THAP6: variants seen among roughly 807,000 people sequenced by gnomAD.
THAP6 encodes THAP domain containing 6.
In THAP6, 13 loss-of-function variants were observed where a neutral mutation model predicts 20.0. The ratio of observed to expected loss-of-function variants is 0.65; its 90% confidence interval spans 0.42 to 1.03. The LOEUF is 1.03. Among genes scored for constraint, THAP6 ranks in the 50% least tolerant of loss-of-function variants. The pLI, the probability that THAP6 is intolerant of heterozygous loss-of-function variation, is 0.00. For missense variants in THAP6, 262 were observed against 261.6 expected (o/e 1.00, Z -0.01); for synonymous variants, 93 against 92.2 (o/e 1.01, Z -0.05).
rs767627878 is a variant in THAP6 at position 75,521,895 on chromosome 4, C to A, written c.414+34C>A. On this transcript the variant is annotated intron_variant, in intron 4 of 4. Coordinates refer to ENST00000311638, the MANE Select transcript of THAP6 (RefSeq NM_144721.6). ...ATTACTTGCTGAGCTCATGTTAATT[C>A]TTTTAAGATGAATATGTCCTCTCCA... 5.6e-5 allele frequency: 90 copies of A among 1,611,668 alleles called. 1 individual carries two copies. Among genetic ancestry groups the A allele is most frequent in the South Asian group, 1.1e-5 (1 of 90,834 alleles).
upstream of THAP6, chr4:75,514,386 G>T (rs552205454): frequency 4.4e-6 from 6 of 1,354,886 alleles, no homozygotes; most frequent in Non-Finnish European, 6.0e-6. Flanking sequence ...CAGCCCCAGC[G>T]GCCACTAGCG....
intron 4 of THAP6, chr4:75,522,188 C>A (rs1726076026): frequency 3.2e-6 from 1 of 307,958 alleles, no homozygotes; most frequent in African/African-American, 2.1e-5. Flanking sequence ...CAGTCATACA[C>A]ATACAGAGTA....
intron 2 of THAP6, 128 bp from the exon 3 acceptor site, chr4:75,516,644 T>TA: frequency 1.3e-6 from 1 of 752,574 alleles, no homozygotes; most frequent in Non-Finnish European, 2.0e-6. Flanking sequence ...GTTTCCTAAA[T>TA]ATTATAATTC....
At chr4:75,541,978 A>G (rs1049724159) in intron 2 of THAP6, among the ~76,000 whole-genome samples, 1 of 152,130 alleles carries the variant, frequency 6.6e-6, no homozygotes, top group African/African-American at 2.4e-5. Flanking sequence ...AAAGAAAATC[A>G]AAACCATTTC....
intron 4 of THAP6, among the ~76,000 whole-genome samples, chr4:75,522,780 T>C (rs1308999810): frequency 6.6e-6 from 1 of 152,276 alleles, no homozygotes; most frequent in African/African-American, 2.4e-5. Flanking sequence ...TCTCATTTTT[T>C]TTAATGGCTT....
At chr4:75,530,252 C>T (rs1175521660), downstream of THAP6, among the ~76,000 whole-genome samples, 2 of 152,150 alleles carry the variant, frequency 1.3e-5, no homozygotes, top group Non-Finnish European at 2.9e-5. Flanking sequence ...GATATGATGT[C>T]ACCCAGTATA....
At chr4:75,521,987 T>C in intron 4 of THAP6, 126 bp downstream of exon 4, 1 of 1,188,628 alleles carries the variant, frequency 8.4e-7, no homozygotes, top group African/African-American at 1.5e-5. Context: ...ACAAATAATA[T>C]TGCTTCCTAG....
rs115445508 is a variant in THAP6, at chr4:75,545,487, G to C, written c.243+3001G>C. ...AGCAGAAGATGCCTAAGCAAGCCTTGCAGGAAGTCATCTAGGCCACCTTCA... is the reference window on the plus strand; with the variant it reads ...AGCAGAAGATGCCTAAGCAAGCCTTCCAGGAAGTCATCTAGGCCACCTTCA... On this transcript the variant is annotated intron_variant, in intron 3 of 4. Transcript: ENST00000502620. Among the ~76,000 whole-genome samples, 424 of 152,262 alleles carry C rather than the reference G, an allele frequency of 2.8e-3. 3 individuals carry two copies. Among genetic ancestry groups the C allele is most frequent in the African/African-American group, 9.6e-3 (397 of 41,546 alleles).
chr4:75,535,550 G>A (rs1726824738), intron 2 of THAP6, among the ~76,000 whole-genome samples: 1 of 152,138 alleles, frequency 6.6e-6, no homozygotes, highest in Admixed American at 6.5e-5. Flanking sequence ...GTAATCTAAT[G>A]CTCTCAGTAA....
intron 4 of THAP6, 83 bp from the exon 5 acceptor site, chr4:75,526,877 G>A: frequency 1.3e-6 from 2 of 1,518,970 alleles, no homozygotes; most frequent in Non-Finnish European, 1.8e-6. Context: ...CATTGTAAAT[G>A]AAGAAACAGC....
intron 2 of THAP6, among the ~76,000 whole-genome samples, 184 bp from the exon 3 acceptor site, chr4:75,516,588 G>A (rs1212318954): frequency 6.6e-6 from 1 of 152,196 alleles, no homozygotes; most frequent in Non-Finnish European, 1.5e-5. Context: ...ATGATTGGCA[G>A]AAAATCTGAA....
At position 75,516,907 on chromosome 4, in the gene THAP6, CAG is replaced by C. The variant is rs760853547; in HGVS notation, c.218_219del (p.Arg73LysfsTer6). On this transcript the variant is annotated frameshift_variant, in exon 3 of 5. Transcript: ENST00000311638. LOFTEE classifies it high-confidence loss of function. The part of the protein sequence containing the change: ...SRHFKKTDFD[R>X]SAPNIKLKPG... ...GGCACTTTAAGAAGACAGATTTTGA[CAG>C]AAGTGCTCCAAATATTAAACTGAAA... is the stretch of plus-strand genomic sequence containing the variant. 9 of 1,613,736 alleles carry C rather than the reference CAG, an allele frequency of 5.6e-6. No individual in the cohort carries two copies. The African/African-American group carries it at 1.2e-4, about 22-fold the overall frequency.
Position 75,527,015 on chromosome 4 carries a change from A to G in THAP6, c.470A>G (p.His157Arg). The change falls in exon 5 of 5, where the codon CAT becomes CGT. Residue 157 changes from histidine (H) to arginine (R), a missense_variant. Transcript: ENST00000311638. ...SPKKLKHKLD[H>R]VIGELEDTKE... is the part of the protein sequence containing the mutation. ...AAGAAACTTAAGCATAAATTAGATC[A>G]TGTGATCGGCGAGCTAGAGGATACA... 1.2e-6 allele frequency: 2 copies of G among 1,614,126 alleles called. No individual in the cohort carries two copies. The highest frequency in any genetic ancestry group is 1.7e-6 in the Non-Finnish European group (2 of 1,179,980).
Position 75,529,982 on chromosome 4 carries a change from AATCT to A in THAP6, c.*2771_*2774del. The A allele has an allele frequency of 5.6e-6, 5 of 898,004 alleles. No individual in the cohort carries two copies. Among genetic ancestry groups the A allele is most frequent in the Non-Finnish European group, 6.7e-6 (5 of 750,270 alleles). 55.6% of individuals were successfully genotyped at this position (898,004 alleles called of 1,614,324 possible). A position where few individuals can be genotyped will look rare whatever the true frequency, so the allele number is the denominator to read the frequency against. ...TTACAGAAATAATTGAGAGAGAGAA[AATCT>A]ATTATAATTTATTTGAAAAATAAAA... On this transcript the variant is annotated 3_prime_UTR_variant, in exon 5 of 5. Transcript: ENST00000311638.
downstream of THAP6, among the ~76,000 whole-genome samples, chr4:75,533,141 A>G (rs1726739071): frequency 6.6e-6 from 1 of 152,190 alleles, no homozygotes. Flanking sequence ...CTTTAACAGT[A>G]CCCAAGTCAC....
intron 3 of THAP6, among the ~76,000 whole-genome samples, chr4:75,545,707 C>T (rs1005865041): frequency 4.6e-5 from 7 of 152,184 alleles, no homozygotes; most frequent in Non-Finnish European, 4.4e-5. Flanking sequence ...GATTACTCAC[C>T]GTGGCTCTGT....
At chr4:75,546,539 CAG>C (rs1324679228) in intron 3 of THAP6, among the ~76,000 whole-genome samples, 1 of 152,184 alleles carries the variant, frequency 6.6e-6, no homozygotes, top group Admixed American at 6.5e-5. Context: ...TTAAGCATGA[CAG>C]AGAAAGAATA....
At chr4:75,540,009 A>C in intron 2 of THAP6, 1 of 1,521,084 alleles carries the variant, frequency 6.6e-7, no homozygotes, top group Non-Finnish European at 8.8e-7. Flanking sequence ...GGCAGCTCAG[A>C]AGCAGGCAAG....
intron 2 of THAP6, among the ~76,000 whole-genome samples, chr4:75,536,274 G>C (rs1578280611): frequency 1.3e-5 from 2 of 152,272 alleles, no homozygotes; most frequent in East Asian, 3.9e-4. Flanking sequence ...AGACCAGCCT[G>C]ACCAACATGG....
Sources: gnomAD v4.1 joint callset for allele counts (sites outside exome capture counted in the v4.1 genomes callset) on GRCh38, gnomAD v4.1.1 for gene constraint, MANE v1.5 for transcripts, NCBI Gene and HGNC (gene_info 2026-07-23, HGNC 2026-07-21) for gene names.